Variants in UPP2 observed in about 807,000 individuals in gnomAD.
UPP2 encodes UPase 2.
UPP2 carries 23 observed loss-of-function variants against 26.7 expected under a neutral mutation model. The observed-to-expected ratio is 0.86, with a 90% CI of 0.62 to 1.22. The LOEUF (loss-of-function observed/expected upper bound fraction) is 1.22, where lower values mean the gene tolerates loss of function less well. Among genes scored for constraint, UPP2 ranks in the 50% most tolerant of loss-of-function variants. The pLI is 0.00. For synonymous variants in UPP2, 127 were observed against 141.3 expected (o/e 0.90, Z 0.72); for missense variants, 387 against 396.7 (o/e 0.98, Z 0.21).
At chr2:158,020,126 G>A (rs1351725453) in intron 3 of UPP2, among the ~76,000 whole-genome samples, 1 of 151,622 alleles carries the variant, frequency 6.6e-6, no homozygotes, top group African/African-American at 2.4e-5. Flanking sequence ...TTTGGTTTTT[G>A]TTTTTTTTAA....
chr2:158,041,358 T>G (rs1190952185), intron 3 of UPP2, among the ~76,000 whole-genome samples: 2 of 152,250 alleles, frequency 1.3e-5, no homozygotes, highest in Non-Finnish European at 2.9e-5. Flanking sequence ...TTGGCTTAAC[T>G]TTGCTGGCAA....
chr2:158,089,070 G>A (rs1396225664), intron 3 of UPP2, among the ~76,000 whole-genome samples: 1 of 152,110 alleles, frequency 6.6e-6, no homozygotes, highest in Non-Finnish European at 1.5e-5. Flanking sequence ...CTTTGTCTTT[G>A]GCTACCAGAG....
chr2:158,029,795 C>CTTTTTTTTTTTTTTT (rs565905140), intron 3 of UPP2, among the ~76,000 whole-genome samples: 1 of 132,508 alleles, frequency 7.5e-6, no homozygotes, highest in Non-Finnish European at 1.6e-5. Flanking sequence ...CATCTCGTTT[C>CTTTTTTTTTTTTTTT]TTTTTTTTTT....
In UPP2 at chr2:158,115,082, T is replaced by G; in HGVS notation, c.181-19T>G. 6.3e-7 allele frequency: 1 copy of G among 1,584,050 alleles called. No homozygotes were observed. Among genetic ancestry groups the G allele is most frequent in the Non-Finnish European group, 8.6e-7 (1 of 1,168,682 alleles). On this transcript the variant is annotated intron_variant, in intron 2 of 6. Transcript: ENST00000005756. ...TATCCCAGTTACTATGGCAGGCCCT[T>G]GTTTATTTTTATTAACAGTTTGTCT...
rs1299606102 is a variant in UPP2 at position 158,117,841 on chromosome 2, C to T, written c.357C>T (p.Pro119=). The change falls in exon 4 of 7, where the codon CCC becomes CCT. Residue 119 remains proline, a synonymous_variant. Coordinates refer to ENST00000005756, the MANE Select transcript of UPP2 (RefSeq NM_173355.4). The part of the protein sequence containing the change: ...VLAISHGMGI[P]SISIMLHELI... ...CTCAATAGCACGGCATGGGCATCCC[C>T]TCCATTTCTATTATGCTTCATGAAC... The T allele has an allele frequency of 3.5e-5, 57 of 1,612,076 alleles. 1 individual carries two copies. The highest frequency in any genetic ancestry group is 4.6e-5 in the Non-Finnish European group (54 of 1,178,170).
intron 3 of UPP2, among the ~76,000 whole-genome samples, chr2:158,064,598 C>T (rs562558671): frequency 5.9e-5 from 9 of 152,218 alleles, no homozygotes; most frequent in Admixed American, 5.9e-4. Context: ...TTAATTAGAT[C>T]CCATTTGTCA....
chr2:158,004,653 G>A (rs1683462319), intron 2 of UPP2, among the ~76,000 whole-genome samples: 1 of 152,182 alleles, frequency 6.6e-6, no homozygotes, highest in Admixed American at 6.5e-5. Context: ...TAAGAAACAA[G>A]TAAACGCCCA....
At chr2:158,036,652 T>C (rs1352312062) in intron 3 of UPP2, among the ~76,000 whole-genome samples, 1 of 152,196 alleles carries the variant, frequency 6.6e-6, no homozygotes. Context: ...TCAAAATCAA[T>C]CAATGATAGA....
chr2:158,021,764 A>T (rs1683755053), intron 3 of UPP2, among the ~76,000 whole-genome samples: 1 of 152,220 alleles, frequency 6.6e-6, no homozygotes, highest in Admixed American at 6.5e-5. Flanking sequence ...AGCTAGTATT[A>T]TACTATCATC....
intron 2 of UPP2, among the ~76,000 whole-genome samples, chr2:158,001,107 G>T (rs1683398085): frequency 6.6e-6 from 1 of 152,118 alleles, no homozygotes; most frequent in Admixed American, 6.5e-5. Flanking sequence ...CAGTTTCCAG[G>T]TAACTGGGTT....
intron 3 of UPP2, among the ~76,000 whole-genome samples, chr2:158,074,083 A>G (rs1006007944): frequency 6.6e-6 from 1 of 152,274 alleles, no homozygotes; most frequent in South Asian, 2.1e-4. Context: ...GAAGCTGAGG[A>G]GGGAAAATCA....
chr2:158,072,320 AC>A (rs1682555917), intron 3 of UPP2, among the ~76,000 whole-genome samples: 1 of 152,152 alleles, frequency 6.6e-6, no homozygotes, highest in South Asian at 2.1e-4. Context: ...GCAGAATAAA[AC>A]ATCAGGTAGA....
chr2:158,001,425 G>A (rs561609192), intron 2 of UPP2, among the ~76,000 whole-genome samples: 1 of 152,076 alleles, frequency 6.6e-6, no homozygotes, highest in Non-Finnish European at 1.5e-5. Flanking sequence ...AGTGGCCCAA[G>A]GAGAGGGAGC....
intron 2 of UPP2, among the ~76,000 whole-genome samples, chr2:157,998,414 TCAGAAATGA>T (rs1240019842): frequency 6.6e-6 from 1 of 152,184 alleles, no homozygotes; most frequent in Non-Finnish European, 1.5e-5. Flanking sequence ...ACTTCGAAGG[TCAGAAATGA>T]CTGTGGGGGA....
chr2:158,012,263 CTTTT>C (rs34807293), intron 2 of UPP2, among the ~76,000 whole-genome samples: 203 of 81,628 alleles, frequency 2.5e-3, no homozygotes, highest in African/African-American at 8.3e-3. Context: ...TTGTTTCTAC[CTTTT>C]TTTTTTTTTT....
At chr2:158,037,416 T>G (rs1427329912) in intron 3 of UPP2, among the ~76,000 whole-genome samples, 10 of 152,068 alleles carry the variant, frequency 6.6e-5, no homozygotes, top group Admixed American at 6.6e-4. Context: ...GGGGATATAT[T>G]AGTTTCCTAG....
chr2:158,000,109 G>A lies in UPP2; in HGVS notation c.61+4850G>A, dbSNP rs573369536. Among the ~76,000 whole-genome samples the A allele has an allele frequency of 2.0e-5, 3 of 151,890 alleles. No individual in the cohort carries two copies. In the South Asian group the frequency reaches 6.2e-4, roughly 32 times the overall value. On this transcript the variant is annotated intron_variant, in intron 2 of 9. Transcript: ENST00000605860. ...ACAGAGTCTTGGTCTTGTCCCCCAG[G>A]CTAGAGTGCAATGGCGCGATCTCGG...
At chr2:158,044,183 T>C (rs555336547) in intron 3 of UPP2, among the ~76,000 whole-genome samples, 80 of 152,088 alleles carry the variant, frequency 5.3e-4, no homozygotes, top group South Asian at 8.3e-4. Flanking sequence ...TAGCGGTAGA[T>C]GGGGGCAAAA....
At chr2:158,112,453 T>A (rs1024217513) in intron 2 of UPP2, among the ~76,000 whole-genome samples, 19 of 151,998 alleles carry the variant, frequency 1.3e-4, no homozygotes, top group African/African-American at 4.4e-4. Flanking sequence ...AAAAATTAAC[T>A]CAAAATGGAT....
Sources: gnomAD v4.1 joint callset for allele counts (sites outside exome capture counted in the v4.1 genomes callset) on GRCh38, gnomAD v4.1.1 for gene constraint, MANE v1.5 for transcripts, NCBI Gene and HGNC (gene_info 2026-07-23, HGNC 2026-07-21) for gene names.